DNAH14: variants seen among roughly 807,000 people sequenced by gnomAD.
DNAH14 encodes axonemal beta dynein heavy chain 14.
In DNAH14, 478 loss-of-function variants were observed where a neutral mutation model predicts 520.9. The ratio of observed to expected loss-of-function variants is 0.92; its 90% CI spans 0.85 to 0.99. DNAH14 has a LOEUF of 0.99. DNAH14 is among the 50% of genes least tolerant of loss of function. DNAH14 has a pLI of 0.00. For synonymous variants in DNAH14, 1,581 were observed against 1,757.2 expected (o/e 0.90, Z 2.51); for missense variants, 4,831 against 5,234.5 (o/e 0.92, Z 2.38).
intron 11 of DNAH14, among the ~76,000 whole-genome samples, chr1:225,027,136 T>A (rs1440505657): frequency 2.0e-5 from 3 of 152,292 alleles, no homozygotes; most frequent in Admixed American, 2.0e-4. Flanking sequence ...TTTTTTATTA[T>A]CCCTGATAGG....
chr1:225,189,751 A>G (rs1233113729), intron 37 of DNAH14, among the ~76,000 whole-genome samples: 3 of 151,838 alleles, frequency 2.0e-5, no homozygotes, highest in African/African-American at 4.8e-5. Flanking sequence ...CACTATGCCA[A>G]TTTCTTCTTT....
intron 38 of DNAH14, among the ~76,000 whole-genome samples, chr1:225,201,682 C>T (rs1036277745): frequency 2.6e-5 from 4 of 152,070 alleles, no homozygotes; most frequent in Non-Finnish European, 4.4e-5. Flanking sequence ...AGGCTGGTAC[C>T]GGGGGTTGTC....
intron 65 of DNAH14, among the ~76,000 whole-genome samples, chr1:225,332,828 T>C (rs1486222824): frequency 1.3e-5 from 1 of 76,798 alleles, no homozygotes; most frequent in Non-Finnish European, 2.3e-5. Context: ...ATCCTGTCTC[T>C]ACAAAAAAAA....
At position 225,316,087 on chromosome 1, in the gene DNAH14, C is replaced by T. The variant is rs147727309; in HGVS notation, c.9241-2496C>T. 2.5e-4 allele frequency among the ~76,000 whole-genome samples: 38 copies of T among 152,332 alleles called. No homozygotes were observed. The East Asian group carries it at 5.0e-3, about 20-fold the overall frequency. On this transcript the variant is annotated intron_variant, in intron 60 of 85. Coordinates refer to ENST00000682510, the MANE Select transcript of DNAH14 (RefSeq NM_001367479.1). Reference sequence around the variant, plus strand: ...ATCTAGAGAGAGAGTCTGGCTACAGCGGCTTTGCAGCACTGAGGTCGGCTC... The same window carrying T: ...ATCTAGAGAGAGAGTCTGGCTACAGTGGCTTTGCAGCACTGAGGTCGGCTC...
At chr1:224,971,617 C>CT (rs1398731565) in intron 7 of DNAH14, among the ~76,000 whole-genome samples, 5 of 152,158 alleles carry the variant, frequency 3.3e-5, no homozygotes, top group Non-Finnish European at 7.4e-5. Context: ...GTGTGCATTG[C>CT]TTCTTTAGAT....
At chr1:225,159,724 A>G (rs1363097975) in intron 35 of DNAH14, among the ~76,000 whole-genome samples, 1 of 152,194 alleles carries the variant, frequency 6.6e-6, no homozygotes, top group African/African-American at 2.4e-5. Flanking sequence ...TGATCATTAT[A>G]TATTTTGTTT....
chr1:225,129,512 C>G (rs1481761327), intron 27 of DNAH14, among the ~76,000 whole-genome samples: 1 of 151,618 alleles, frequency 6.6e-6, no homozygotes, highest in Non-Finnish European at 1.5e-5. Flanking sequence ...GAAATAATGC[C>G]GCATATCTAC....
At chr1:225,015,052 C>T (rs962294649) in intron 10 of DNAH14, among the ~76,000 whole-genome samples, 1 of 151,946 alleles carries the variant, frequency 6.6e-6, no homozygotes, top group Non-Finnish European at 1.5e-5. Flanking sequence ...ATATAATGTC[C>T]TCCATGTCTA....
At chr1:225,132,464 AT>A (rs1446301790) in intron 27 of DNAH14, among the ~76,000 whole-genome samples, 1 of 151,842 alleles carries the variant, frequency 6.6e-6, no homozygotes, top group Non-Finnish European at 1.5e-5. Flanking sequence ...GTGAGAAAAT[AT>A]GGTGTTTGGT....
In DNAH14 at chr1:225,306,497, G is replaced by A. The variant is rs944112670; in HGVS notation, c.9006-964G>A. ...TTGGCCAGATGCCCTACAGGCAAGC[G>A]TCAAGAGAGTTTAATGAATCTTCCT... On this transcript the variant is annotated intron_variant, in intron 58 of 85. Transcript: ENST00000682510. 1.6e-4 allele frequency among the ~76,000 whole-genome samples: 24 copies of A among 152,262 alleles called. No homozygotes were observed. In the South Asian group the frequency reaches 1.9e-3, roughly 12 times the overall value.
In DNAH14 at chr1:225,152,882, A is replaced by G. The variant is rs1242566748; in HGVS notation, c.5195A>G (p.Gln1732Arg). The change falls in exon 33 of 86, where the codon CAG becomes CGG. Residue 1732 changes from glutamine (Q) to arginine (R), a missense_variant and splice_region_variant. Physicochemically the swap from Gln to Arg is conservative, Grantham distance 43 (BLOSUM62 1). Transcript: ENST00000682510. ...YELARKQLSQQDHYNFGLRSL... is the reference protein window; with the variant it reads ...YELARKQLSQRDHYNFGLRSL... The stretch of plus-strand genomic sequence containing the variant: ...TTAGCGCGCAAACAGCTCTCACAAC[A>G]GGTAAATAGCTACTTTTCTCAAAAT... 3.2e-6 allele frequency: 5 copies of G among 1,545,766 alleles called. No homozygotes were observed. Among genetic ancestry groups the G allele is most frequent in the Non-Finnish European group, 3.5e-6 (4 of 1,145,706 alleles).
At chr1:225,006,617 G>T (rs1445841366) in intron 9 of DNAH14, among the ~76,000 whole-genome samples, 5 of 152,170 alleles carry the variant, frequency 3.3e-5, no homozygotes, top group African/African-American at 1.2e-4. Context: ...GGAAATTCCA[G>T]CCTGGTGAAT....
chr1:225,129,504 A>T (rs1295043956), intron 27 of DNAH14, among the ~76,000 whole-genome samples: 1 of 152,110 alleles, frequency 6.6e-6, no homozygotes, highest in Non-Finnish European at 1.5e-5. Flanking sequence ...AGCCCTCAGA[A>T]ATAATGCCGC....
chr1:225,033,855 A>G (rs1453622353), intron 11 of DNAH14, among the ~76,000 whole-genome samples: 1 of 152,114 alleles, frequency 6.6e-6, no homozygotes, highest in Non-Finnish European at 1.5e-5. Flanking sequence ...TTCATTCACA[A>G]TTTGGCTCTT....
At chr1:225,288,844 T>G (rs1439453267) in intron 54 of DNAH14, among the ~76,000 whole-genome samples, 1 of 152,134 alleles carries the variant, frequency 6.6e-6, no homozygotes, top group Admixed American at 6.6e-5. Flanking sequence ...TAAACTGAAC[T>G]TTCATACAGT....
chr1:225,140,726 T>G (rs780212102), intron 27 of DNAH14, 42 bp from the exon 28 acceptor site: 73 of 1,315,198 alleles, frequency 5.6e-5, no homozygotes, highest in African/African-American at 2.1e-4. Flanking sequence ...ATTATATATA[T>G]ATAGAGAGAG....
At chr1:225,338,230 TAA>T in intron 68 of DNAH14, 48 bp downstream of exon 68, 1 of 1,545,914 alleles carries the variant, frequency 6.5e-7, no homozygotes, top group East Asian at 2.4e-5. Flanking sequence ...CTTTTTAAGA[TAA>T]ATAATATTGA....
Position 225,229,642 on chromosome 1 carries a change from A to G in DNAH14, c.6440-1431A>G, listed in dbSNP as rs561509557. Among the ~76,000 whole-genome samples the G allele has an allele frequency of 4.6e-5, 7 of 152,274 alleles. No homozygotes were observed. In the East Asian group the frequency reaches 1.4e-3, roughly 29 times the overall value. On this transcript the variant is annotated intron_variant, in intron 41 of 85. Coordinates refer to ENST00000682510, the MANE Select transcript of DNAH14 (RefSeq NM_001367479.1). The stretch of plus-strand genomic sequence containing the variant: ...AGGGACATGGATTAAGCTGGAAACC[A>G]TCATTCTCAGCAAACTAACACAGGA...
rs138715170 is a variant in DNAH14, at chr1:225,358,338, C to T, written c.11620-158C>T. On this transcript the variant is annotated intron_variant, in intron 73 of 85. Coordinates refer to ENST00000682510, the MANE Select transcript of DNAH14 (RefSeq NM_001367479.1). The stretch of plus-strand genomic sequence containing the variant: ...CACAGGAACATGGTGGCGGTTTCTC[C>T]TCCATGCATAGTCTGTCCCATTAAG... Among the ~76,000 whole-genome samples, 553 of 152,282 alleles carry T rather than the reference C, an allele frequency of 3.6e-3. 3 individuals are homozygous for T. The highest frequency in any genetic ancestry group is 0.013 in the African/African-American group (534 of 41,562).
Sources: allele counts gnomAD v4.1 joint callset (sites outside exome capture counted in the v4.1 genomes callset), GRCh38; gene constraint gnomAD v4.1.1; transcripts MANE v1.5; gene names NCBI Gene and HGNC (gene_info 2026-07-23, HGNC 2026-07-21).